RAB31: variants seen among roughly 807,000 people sequenced by gnomAD.
The protein encoded by RAB31 is ras-related protein Rab-31.
A neutral mutation model predicts 25.6 loss-of-function variants in RAB31; 21 were observed. That is an observed-to-expected ratio of 0.82 (90% CI 0.58 to 1.18). The LOEUF (loss-of-function observed/expected upper bound fraction) is 1.18. RAB31 is among the 50% of genes most tolerant of loss of function. RAB31 has a pLI of 0.00. For missense variants in RAB31, 196 were observed against 250.1 expected, an observed-to-expected ratio of 0.78 and a Z score of 1.46; for synonymous variants, 87 against 84.0, an observed-to-expected ratio of 1.04 and a Z score of -0.20.
chr18:9,838,237 C>T (rs953497656), intron 5 of RAB31, among the ~76,000 whole-genome samples: 6 of 152,112 alleles, frequency 3.9e-5, no homozygotes, highest in East Asian at 3.9e-4. Flanking sequence ...CTGGTGGAGA[C>T]GATCGCTTTC....
At chr18:9,812,239 A>G (rs2068576159) in intron 3 of RAB31, among the ~76,000 whole-genome samples, 1 of 152,220 alleles carries the variant, frequency 6.6e-6, no homozygotes, top group Non-Finnish European at 1.5e-5. Context: ...GGGGAGACAC[A>G]AACATTCAGT....
At chr18:9,801,858 C>T (rs2068515639) in intron 3 of RAB31, among the ~76,000 whole-genome samples, 1 of 152,140 alleles carries the variant, frequency 6.6e-6, no homozygotes, top group South Asian at 2.1e-4. Context: ...AATTTCTGTC[C>T]ATGTTGTAAA....
intron 4 of RAB31, chr18:9,814,888 G>A (rs1162752516): frequency 8.5e-6 from 3 of 353,854 alleles, no homozygotes; most frequent in Admixed American, 4.5e-5. Context: ...TCACTGATAT[G>A]ATTTTCTTAA....
chr18:9,849,377 C>T (rs975821524), intron 6 of RAB31, among the ~76,000 whole-genome samples: 5 of 152,132 alleles, frequency 3.3e-5, no homozygotes, highest in African/African-American at 4.8e-5. Context: ...TTTGGATCTC[C>T]GTCCTCATCT....
intron 1 of RAB31, among the ~76,000 whole-genome samples, chr18:9,770,116 T>A (rs1209540187): frequency 6.6e-6 from 1 of 152,208 alleles, no homozygotes. Flanking sequence ...GATTTTTGCG[T>A]TGGTGTTCAT....
intron 6 of RAB31, among the ~76,000 whole-genome samples, chr18:9,846,874 A>G (rs951285145): frequency 1.3e-5 from 2 of 152,230 alleles, no homozygotes; most frequent in Non-Finnish European, 2.9e-5. Flanking sequence ...AATGTGCAAA[A>G]GAATGGCTTG....
intron 3 of RAB31, among the ~76,000 whole-genome samples, chr18:9,794,025 A>G (rs1016353135): frequency 1.8e-4 from 28 of 152,156 alleles, no homozygotes; most frequent in Non-Finnish European, 2.4e-4. Flanking sequence ...CCCGAGTAGC[A>G]GGGACCACAG....
At chr18:9,777,412 A>C (rs2068377662) in intron 2 of RAB31, among the ~76,000 whole-genome samples, 1 of 152,232 alleles carries the variant, frequency 6.6e-6, no homozygotes, top group South Asian at 2.1e-4. Flanking sequence ...CAACATGTAC[A>C]AGCATCCTTG....
At chr18:9,830,547 C>T (rs2068672704) in intron 5 of RAB31, 1 of 151,870 alleles carries the variant, frequency 6.6e-6, no homozygotes, top group Non-Finnish European at 1.5e-5. Context: ...GCACTACAAC[C>T]CAGAACTCTG....
chr18:9,859,352 G>A lies in RAB31; in HGVS notation c.*27G>A, dbSNP rs2068835831. The A allele has an allele frequency of 6.4e-7, 1 of 1,572,274 alleles. No homozygotes were observed. The highest frequency in any genetic ancestry group is 1.1e-5 in the South Asian group (1 of 90,116). The stretch of plus-strand genomic sequence containing the variant: ...CCAAGGGCCGTGGTCCACGGTACTT[G>A]AAGAAGCCAGAGCCCACATCCTGTG... On this transcript the variant is annotated 3_prime_UTR_variant, in exon 7 of 7. Transcript: ENST00000578921.
At chr18:9,758,452 C>G (rs980364509) in intron 1 of RAB31, among the ~76,000 whole-genome samples, 1 of 152,020 alleles carries the variant, frequency 6.6e-6, no homozygotes, top group Admixed American at 6.6e-5. Flanking sequence ...TTCTCCTCCC[C>G]CCTCTTCCCT....
intron 5 of RAB31, among the ~76,000 whole-genome samples, chr18:9,826,719 C>T (rs1338141616): frequency 6.6e-6 from 1 of 152,194 alleles, no homozygotes; most frequent in East Asian, 1.9e-4. Context: ...TGGTTCGACT[C>T]CCTTATATCC....
chr18:9,781,296 C>T (rs2068402964), intron 2 of RAB31, among the ~76,000 whole-genome samples: 1 of 152,082 alleles, frequency 6.6e-6, no homozygotes, highest in Admixed American at 6.5e-5. Flanking sequence ...ATGATGGCAG[C>T]ATGGTATTGT....
intron 1 of RAB31, among the ~76,000 whole-genome samples, chr18:9,742,932 A>G (rs1372808554): frequency 6.6e-6 from 1 of 152,190 alleles, no homozygotes; most frequent in Non-Finnish European, 1.5e-5. Context: ...TAAAGCACGA[A>G]TGTTTTTCAA....
chr18:9,835,101 C>G (rs1387459463), intron 5 of RAB31, among the ~76,000 whole-genome samples: 2 of 152,136 alleles, frequency 1.3e-5, no homozygotes, highest in African/African-American at 4.8e-5. Context: ...ACAAGGAAAC[C>G]GAGACACAGG....
intron 1 of RAB31, among the ~76,000 whole-genome samples, chr18:9,730,205 C>T (rs1020107367): frequency 6.6e-5 from 10 of 152,032 alleles, no homozygotes; most frequent in Admixed American, 4.6e-4. Context: ...TAATTTCTTA[C>T]GCAGCCCAAA....
rs116402614 is a variant in RAB31 at position 9,839,388 on chromosome 18, G to A, written c.381-6194G>A. ...ATTCTCCAGCAATCAGAAGATGTTGGAGAATCCTATTCACAGGAATACTTG... is the reference window on the plus strand; with the variant it reads ...ATTCTCCAGCAATCAGAAGATGTTGAAGAATCCTATTCACAGGAATACTTG... On this transcript the variant is annotated intron_variant, in intron 5 of 6. Transcript: ENST00000578921. Among the ~76,000 whole-genome samples the A allele has an allele frequency of 3.5e-3, 536 of 152,296 alleles. 3 individuals carry two copies. Among genetic ancestry groups the A allele is most frequent in the African/African-American group, 0.012 (494 of 41,570 alleles).
chr18:9,841,681 G>A (rs957884856), intron 5 of RAB31, among the ~76,000 whole-genome samples: 1 of 152,136 alleles, frequency 6.6e-6, no homozygotes, highest in Non-Finnish European at 1.5e-5. Flanking sequence ...GCTGAAGAAA[G>A]CAGGAACAAG....
chr18:9,829,684 G>A lies in RAB31; in HGVS notation c.380+14462G>A, dbSNP rs1341027506. Among the ~76,000 whole-genome samples, 6 of 152,138 alleles carry A rather than the reference G, an allele frequency of 3.9e-5. No homozygotes were observed. In the East Asian group the frequency reaches 1.2e-3, roughly 29 times the overall value. On this transcript the variant is annotated intron_variant, in intron 5 of 6. Transcript: ENST00000578921. ...AGACTTCCTGAGGCTCTGCCTCCTT[G>A]CCAGGCTTCAGAATTGTGATCCTTC...
Sources: gnomAD v4.1 joint callset for allele counts (sites outside exome capture counted in the v4.1 genomes callset) on GRCh38, gnomAD v4.1.1 for gene constraint, MANE v1.5 for transcripts, NCBI Gene and HGNC (gene_info 2026-07-23, HGNC 2026-07-21) for gene names.